Variants in EDIL3 observed in about 807,000 individuals in gnomAD.
The protein encoded by EDIL3 is EGF like and discoidin domains 3.
EDIL3 carries 37 observed loss-of-function variants against 67.4 expected under a neutral mutation model. The ratio of observed to expected loss-of-function variants is 0.55; its 90% CI spans 0.42 to 0.72. EDIL3 has a LOEUF of 0.72. EDIL3 is among the 30% of genes least tolerant of loss of function. EDIL3 has a pLI of 0.00. For synonymous variants in EDIL3, 195 were observed against 196.3 expected (o/e 0.99, Z 0.05); for missense variants, 527 against 586.3 (o/e 0.90, Z 1.04).
At chr5:83,959,103 G>C (rs1561385597) in intron 10 of EDIL3, among the ~76,000 whole-genome samples, 1 of 150,554 alleles carries the variant, frequency 6.6e-6, no homozygotes, top group African/African-American at 2.4e-5. Flanking sequence ...TAGGAGAACA[G>C]AGTATTATTT....
chr5:84,244,961 C>G (rs776226212), intron 2 of EDIL3, among the ~76,000 whole-genome samples: 1 of 152,182 alleles, frequency 6.6e-6, no homozygotes, highest in Non-Finnish European at 1.5e-5. Context: ...CTAATGCCAA[C>G]CCACCTTCTG....
At chr5:84,204,305 A>G (rs1425725125) in intron 3 of EDIL3, among the ~76,000 whole-genome samples, 2 of 152,184 alleles carry the variant, frequency 1.3e-5, no homozygotes, top group African/African-American at 2.4e-5. Context: ...ACAATATAGG[A>G]CACAGCCAAT....
chr5:84,236,456 C>T (rs973438731), intron 2 of EDIL3, among the ~76,000 whole-genome samples: 5 of 152,114 alleles, frequency 3.3e-5, no homozygotes, highest in East Asian at 1.9e-4. Flanking sequence ...ATTAAATGTG[C>T]CCTTCCTCCC....
intron 9 of EDIL3, among the ~76,000 whole-genome samples, chr5:84,022,951 A>T (rs1745745480): frequency 1.3e-5 from 2 of 152,006 alleles, no homozygotes; most frequent in African/African-American, 4.8e-5. Flanking sequence ...GTAATGGACA[A>T]CTCAAAACTA....
intron 4 of EDIL3, among the ~76,000 whole-genome samples, chr5:84,141,906 C>CATATATATATATATATACACATATAT (rs1163684948): frequency 1.0e-5 from 1 of 96,858 alleles, no homozygotes; most frequent in African/African-American, 3.6e-5. Flanking sequence ...ACAAACTACT[C>CATATATATATATATATACACATATAT]ATATATATAT....
intron 6 of EDIL3, 47 bp from the exon 7 acceptor site, chr5:84,066,653 A>T (rs778190760): frequency 6.4e-7 from 1 of 1,570,470 alleles, no homozygotes; most frequent in South Asian, 1.2e-5. Context: ...TTTTCAGGAT[A>T]ACAATACTGA....
chr5:84,066,316 G>A, intron 7 of EDIL3, 135 bp downstream of exon 7: 1 of 946,550 alleles, frequency 1.1e-6, no homozygotes. Context: ...CATCACACTA[G>A]CCCAATTAAA....
At chr5:84,236,469 T>A (rs1003792182) in intron 2 of EDIL3, among the ~76,000 whole-genome samples, 1 of 152,072 alleles carries the variant, frequency 6.6e-6, no homozygotes, top group African/African-American at 2.4e-5. Context: ...TTCCTCCCTA[T>A]CCAAACCCAA....
chr5:84,245,463 A>T (rs1531259), intron 2 of EDIL3, among the ~76,000 whole-genome samples: 12,198 of 152,202 alleles, frequency 0.08, 637 homozygotes, highest in South Asian at 0.2. Flanking sequence ...CTTAAAAGTT[A>T]ATGTTTTTTA....
chr5:84,063,088 G>A (rs1376295315), intron 8 of EDIL3, among the ~76,000 whole-genome samples: 1 of 152,108 alleles, frequency 6.6e-6, no homozygotes, highest in East Asian at 1.9e-4. Flanking sequence ...AGTGTCAGGT[G>A]CAATGTCTTG....
chr5:84,339,850 T>C (rs1384093632), intron 1 of EDIL3, among the ~76,000 whole-genome samples: 1 of 152,078 alleles, frequency 6.6e-6, no homozygotes, highest in Non-Finnish European at 1.5e-5. Flanking sequence ...AGAGACACTT[T>C]CTTAAGTAGC....
intron 9 of EDIL3, among the ~76,000 whole-genome samples, chr5:83,990,733 A>G (rs1360706173): frequency 6.6e-6 from 1 of 151,806 alleles, no homozygotes; most frequent in Non-Finnish European, 1.5e-5. Flanking sequence ...TACGAAAATT[A>G]GCTGGGCATG....
intron 3 of EDIL3, among the ~76,000 whole-genome samples, chr5:84,204,597 A>G (rs1032076416): frequency 6.6e-6 from 1 of 152,094 alleles, no homozygotes; most frequent in Non-Finnish European, 1.5e-5. Context: ...ATATCTAGGT[A>G]TACATACAAC....
chr5:84,007,883 G>A (rs1437364637), intron 9 of EDIL3, among the ~76,000 whole-genome samples: 1 of 152,168 alleles, frequency 6.6e-6, no homozygotes, highest in Non-Finnish European at 1.5e-5. Flanking sequence ...CAACCTAAGT[G>A]TCCATCAGCA....
chr5:84,337,036 G>A (rs938223205), intron 1 of EDIL3, among the ~76,000 whole-genome samples: 1 of 152,086 alleles, frequency 6.6e-6, no homozygotes, highest in Non-Finnish European at 1.5e-5. Context: ...CACTGCACAA[G>A]AGTACACCAG....
At chr5:84,359,612 G>A (rs1747556646) in intron 1 of EDIL3, among the ~76,000 whole-genome samples, 1 of 152,162 alleles carries the variant, frequency 6.6e-6, no homozygotes, top group African/African-American at 2.4e-5. Context: ...AGACTAGCTA[G>A]AATTGACTTG....
intron 1 of EDIL3, among the ~76,000 whole-genome samples, chr5:84,333,092 C>T (rs1006441197): frequency 1.3e-5 from 2 of 152,012 alleles, no homozygotes; most frequent in East Asian, 1.9e-4. Flanking sequence ...CTCTTAAATG[C>T]CCACCCTTTC....
intron 4 of EDIL3, among the ~76,000 whole-genome samples, chr5:84,151,200 G>T (rs528680081): frequency 5.0e-4 from 76 of 151,644 alleles, no homozygotes; most frequent in Middle Eastern, 3.4e-3. Context: ...CCTTCAAAAA[G>T]TGATTTTTAT....
intron 9 of EDIL3, among the ~76,000 whole-genome samples, chr5:83,985,316 T>C (rs933738586): frequency 6.6e-6 from 1 of 152,104 alleles, no homozygotes; most frequent in Non-Finnish European, 1.5e-5. Flanking sequence ...TGGTGAGGCA[T>C]AACTGCTGGA....
Sources: allele counts gnomAD v4.1 joint callset (sites outside exome capture counted in the v4.1 genomes callset), GRCh38; gene constraint gnomAD v4.1.1; transcripts MANE v1.5; gene names NCBI Gene and HGNC (gene_info 2026-07-23, HGNC 2026-07-21).